The following ATP9B variants were observed in gnomAD, a reference collection of about 807,000 sequenced individuals.
The protein encoded by ATP9B is ATPase phospholipid transporting 9B.
In ATP9B, 110 loss-of-function variants were observed where a neutral mutation model predicts 146.1. The observed-to-expected ratio is 0.75, with a 90% CI of 0.65 to 0.88. The LOEUF is 0.88. ATP9B is among the 40% of genes least tolerant of loss of function. The probability of loss-of-function intolerance (pLI) is 0.00; values close to 1 mark genes in which losing one functional copy is unlikely to be tolerated. For missense variants in ATP9B, 1,499 were observed against 1,496.4 expected, an observed-to-expected ratio of 1.00 and a Z score of -0.03; for synonymous variants, 604 against 569.7, an observed-to-expected ratio of 1.06 and a Z score of -0.86.
At chr18:79,255,964 A>G (rs1299833314) in intron 12 of ATP9B, among the ~76,000 whole-genome samples, 2 of 152,120 alleles carry the variant, frequency 1.3e-5, no homozygotes, top group Non-Finnish European at 2.9e-5. Flanking sequence ...CTTCTCCTGC[A>G]AGTTGCTTCC....
chr18:79,085,487 T>C (rs2073738017), intron 1 of ATP9B: 1 of 152,242 alleles, frequency 6.6e-6, no homozygotes, highest in Non-Finnish European at 1.5e-5. Context: ...TAGTAGCTCA[T>C]AGTTCACTGG....
rs373194873 is a variant in ATP9B, at chr18:79,122,983, C to T, written c.559-3284C>T. Among the ~76,000 whole-genome samples, 725 of 152,216 alleles carry T rather than the reference C, an allele frequency of 4.8e-3. 4 individuals carry two copies. Among genetic ancestry groups the T allele is most frequent in the South Asian group, 0.024 (117 of 4,824 alleles). On this transcript the variant is annotated intron_variant, in intron 4 of 29. Transcript: ENST00000426216. The stretch of plus-strand genomic sequence containing the variant: ...ATTTTGTACTTCACACAGCTGACAT[C>T]ACTCTTAATCATAAAAGACTGAATG...
chr18:79,299,706 CTG>C (rs1247872065), intron 13 of ATP9B, among the ~76,000 whole-genome samples: 4 of 152,232 alleles, frequency 2.6e-5, no homozygotes, highest in African/African-American at 9.6e-5. Flanking sequence ...GGTGAATAAA[CTG>C]AGGCTTGGAG....
intron 27 of ATP9B, 64 bp from the exon 28 acceptor site, chr18:79,373,834 C>A: frequency 6.4e-7 from 1 of 1,562,470 alleles, no homozygotes; most frequent in Non-Finnish European, 8.8e-7. Flanking sequence ...TGGTTCAAGG[C>A]TGTTTCCTCT....
At chr18:79,253,271 C>A in intron 11 of ATP9B, 110 bp from the exon 12 acceptor site, 2 of 968,380 alleles carry the variant, frequency 2.1e-6, no homozygotes, top group Non-Finnish European at 3.0e-6. Flanking sequence ...AAGGCTAATA[C>A]CAATAAATTT....
At position 79,371,693 on chromosome 18, in the gene ATP9B, G is replaced by C. The variant is rs191120184; in HGVS notation, c.3013-1132G>C. On this transcript the variant is annotated intron_variant, in intron 26 of 29. Coordinates refer to ENST00000426216, the MANE Select transcript of ATP9B (RefSeq NM_198531.5). ...CTTCAGCAGACTCAGGCAGGTGCAG[G>C]TTCAGACAGGCCCTGAGCACAGCCT... Among the ~76,000 whole-genome samples, 31 of 152,354 alleles carry C rather than the reference G, an allele frequency of 2.0e-4. 1 individual carries two copies. In the East Asian group the frequency reaches 5.8e-3, roughly 28 times the overall value.
chr18:79,377,073 C>A (rs556120470), intron 29 of ATP9B, among the ~76,000 whole-genome samples, 174 bp from the exon 30 acceptor site: 2 of 152,318 alleles, frequency 1.3e-5, no homozygotes, highest in East Asian at 3.9e-4. Context: ...GCAGGTCAAA[C>A]AATTCTGCAG....
chr18:79,249,863 A>T (rs1053841987), intron 11 of ATP9B, among the ~76,000 whole-genome samples: 38 of 152,214 alleles, frequency 2.5e-4, no homozygotes, highest in African/African-American at 9.2e-4. Context: ...AATAAAAGCA[A>T]CCTACAAGCT....
chr18:79,130,365 C>T (rs756031068), intron 5 of ATP9B, among the ~76,000 whole-genome samples: 1 of 151,334 alleles, frequency 6.6e-6, no homozygotes, highest in Non-Finnish European at 1.5e-5. Context: ...ACCAAAGAAA[C>T]AGTGAACTTA....
At chr18:79,113,894 T>C (rs2094016618) in intron 4 of ATP9B, among the ~76,000 whole-genome samples, 1 of 152,246 alleles carries the variant, frequency 6.6e-6, no homozygotes. Flanking sequence ...GCTGAGAGTT[T>C]TCATTAATTT....
intron 1 of ATP9B, among the ~76,000 whole-genome samples, chr18:79,069,865 T>C (rs967221567): frequency 1.3e-5 from 2 of 152,240 alleles, no homozygotes; most frequent in African/African-American, 2.4e-5. Flanking sequence ...TCTCGGATAC[T>C]TCAGAGTCTC....
intron 27 of ATP9B, 58 bp downstream of exon 27, chr18:79,372,940 T>C: frequency 7.8e-7 from 1 of 1,287,052 alleles, no homozygotes; most frequent in Non-Finnish European, 1.1e-6. Flanking sequence ...GTCTTTTTGT[T>C]AGCAATATTG....
Position 79,347,790 on chromosome 18 carries a change from G to A in ATP9B, c.2703G>A (p.Leu901=). The stretch of plus-strand genomic sequence containing the variant: ...CTCAGGAGGGTAAACAGGCCTCGCT[G>A]GCGGCCGACTTCTCCATCACGCAGT... The part of the protein sequence containing the change: ...IEGKEGKQAS[L]AADFSITQFR... The change falls in exon 24 of 30, where the codon CTG becomes CTA. Residue 901 remains leucine, a synonymous_variant. Coordinates refer to ENST00000426216, the MANE Select transcript of ATP9B (RefSeq NM_198531.5). 1.3e-6 allele frequency: 2 copies of A among 1,591,440 alleles called. No individual in the cohort carries two copies. The highest frequency in any genetic ancestry group is 1.7e-6 in the Non-Finnish European group (2 of 1,166,680).
At chr18:79,169,719 A>G (rs1006882045) in intron 7 of ATP9B, among the ~76,000 whole-genome samples, 2 of 152,148 alleles carry the variant, frequency 1.3e-5, no homozygotes, top group African/African-American at 4.8e-5. Flanking sequence ...CAGCTGCTTT[A>G]TGCATTAGGT....
chr18:79,144,136 A>T (rs2094548435), intron 6 of ATP9B: 1 of 240,792 alleles, frequency 4.2e-6, no homozygotes, highest in Non-Finnish European at 7.9e-6. Context: ...ATATCATCAC[A>T]GAATTGTATT....
chr18:79,252,076 T>C (rs1021045450), intron 11 of ATP9B, among the ~76,000 whole-genome samples: 1 of 152,170 alleles, frequency 6.6e-6, no homozygotes, highest in Admixed American at 6.5e-5. Context: ...GAAAACGAGG[T>C]CTAACAAAGA....
intron 1 of ATP9B, among the ~76,000 whole-genome samples, chr18:79,072,457 C>G (rs1018759434): frequency 1.3e-5 from 2 of 152,112 alleles, no homozygotes; most frequent in Non-Finnish European, 2.9e-5. Context: ...TCAGAGAGCA[C>G]GGGGTTGGGG....
chr18:79,254,925 A>G (rs2096063699), intron 12 of ATP9B: 1 of 152,214 alleles, frequency 6.6e-6, no homozygotes, highest in Admixed American at 6.5e-5. Flanking sequence ...ATAGCAGCCT[A>G]TTGAATTCTG....
At position 79,253,422 on chromosome 18, in the gene ATP9B, G is replaced by A. The variant is rs199718576; in HGVS notation, c.1149G>A (p.Ala383=). The A allele has an allele frequency of 2.2e-5, 35 of 1,612,830 alleles. No homozygotes were observed. The highest frequency in any genetic ancestry group is 1.5e-4 in the African/African-American group (11 of 74,908). Reference sequence around the variant, plus strand: ...TTGAACTCAATCGGCTGACGAAAGCGCTATTTTTGGCTTTAGTTGCTCTTT... The same window carrying A: ...TTGAACTCAATCGGCTGACGAAAGCACTATTTTTGGCTTTAGTTGCTCTTT... ...LDLELNRLTK[A]LFLALVALSI... Residue 383 remains alanine (A), a synonymous_variant, in exon 12 of 30, where the codon GCG becomes GCA. Transcript: ENST00000426216.
Sources: gnomAD v4.1 joint callset for allele counts (sites outside exome capture counted in the v4.1 genomes callset) on GRCh38, gnomAD v4.1.1 for gene constraint, MANE v1.5 for transcripts, NCBI Gene and HGNC (gene_info 2026-07-23, HGNC 2026-07-21) for gene names.